The following SPEF2 variants were observed in gnomAD, a reference collection of about 807,000 sequenced individuals.
SPEF2 encodes sperm flagellar and cilia associated 2.
SPEF2 carries 187 observed loss-of-function variants against 224.6 expected under a neutral mutation model. That is an observed-to-expected ratio of 0.83 (90% CI 0.74 to 0.94). SPEF2 has a LOEUF of 0.94. Ranked by LOEUF, SPEF2 falls within the 40% of genes least tolerant of loss-of-function variation. The pLI is 0.00. For missense variants in SPEF2, 2,170 were observed against 2,135.6 expected (o/e 1.02, Z -0.32); for synonymous variants, 715 against 707.3 (o/e 1.01, Z -0.17).
At chr5:35,773,750 TG>T in intron 27 of SPEF2, 142 bp from the exon 28 acceptor site, 1 of 938,374 alleles carries the variant, frequency 1.1e-6, no homozygotes, top group Non-Finnish European at 1.5e-6. Flanking sequence ...TCACAGATGC[TG>T]GGAGGACCAA....
chr5:35,655,198 CT>C (rs1748798398), intron 7 of SPEF2, among the ~76,000 whole-genome samples: 1 of 152,084 alleles, frequency 6.6e-6, no homozygotes. Context: ...TTGCTTGGGA[CT>C]TTTAGGAATA....
At chr5:35,793,538 T>A (rs1756239027) in intron 32 of SPEF2, among the ~76,000 whole-genome samples, 197 bp downstream of exon 32, 1 of 152,140 alleles carries the variant, frequency 6.6e-6, no homozygotes, top group Non-Finnish European at 1.5e-5. Context: ...AGGGAAAAGA[T>A]CTGAAAAAGT....
intron 2 of SPEF2, among the ~76,000 whole-genome samples, chr5:35,633,869 A>G (rs998856509): frequency 6.6e-6 from 1 of 152,026 alleles, no homozygotes; most frequent in African/African-American, 2.4e-5. Flanking sequence ...AACTATTCAG[A>G]TTAATACTAC....
chr5:35,635,368 A>G (rs1310970293), intron 2 of SPEF2, among the ~76,000 whole-genome samples: 1 of 152,000 alleles, frequency 6.6e-6, no homozygotes, highest in Non-Finnish European at 1.5e-5. Flanking sequence ...CCATTTTCCC[A>G]TTTACCCTGA....
intron 19 of SPEF2, 41 bp downstream of exon 19, chr5:35,709,162 T>C (rs1362953602): frequency 4.4e-6 from 7 of 1,595,724 alleles, no homozygotes; most frequent in Non-Finnish European, 1.7e-6. Context: ...TTCAGTTTCT[T>C]ATTTTTACTC....
Position 35,691,195 on chromosome 5 carries a change from A to G in SPEF2, c.1683A>G (p.Lys561=). The change falls in exon 11 of 37, where the codon AAA becomes AAG. Residue 561 remains lysine, a synonymous_variant. Coordinates refer to ENST00000356031, the MANE Select transcript of SPEF2 (RefSeq NM_024867.4). The stretch of plus-strand genomic sequence containing the variant: ...CTGAATTACCTTCATTTGCTGTTAA[A>G]GGATGCTTATTGGGGAAAACATTAA... ...TTPELPSFAV[K]GCLLGKTLSG... is the part of the protein sequence containing the mutation. 1.2e-6 allele frequency: 2 copies of G among 1,614,100 alleles called. No individual in the cohort carries two copies. The highest frequency in any genetic ancestry group is 1.7e-6 in the Non-Finnish European group (2 of 1,179,972).
chr5:35,797,049 TTGGAAGCAAC>T (rs1756766624), intron 33 of SPEF2, among the ~76,000 whole-genome samples: 1 of 152,208 alleles, frequency 6.6e-6, no homozygotes, highest in Admixed American at 6.5e-5. Context: ...TCTTCATTAG[TTGGAAGCAAC>T]TGGCAGTTTG....
intron 26 of SPEF2, among the ~76,000 whole-genome samples, chr5:35,765,423 T>C (rs1309810561): frequency 6.6e-6 from 1 of 152,172 alleles, no homozygotes; most frequent in Non-Finnish European, 1.5e-5. Context: ...CTGGTACCCA[T>C]GTGCATAGAT....
At chr5:35,790,184 T>C (rs6860528) in intron 30 of SPEF2, 19,265 of 698,886 alleles carry the variant, frequency 0.028, 1,197 homozygotes, top group African/African-American at 0.14. Flanking sequence ...CCAAGTCACA[T>C]ATGCATGCAA....
At chr5:35,735,758 A>G (rs780039965) in intron 21 of SPEF2, among the ~76,000 whole-genome samples, 1 of 152,188 alleles carries the variant, frequency 6.6e-6, no homozygotes, top group East Asian at 1.9e-4. Context: ...TTGATTGTTT[A>G]TTTGCATTAT....
At chr5:35,793,727 AACACACACAC>A (rs374573342) in intron 32 of SPEF2, among the ~76,000 whole-genome samples, 62 of 100,886 alleles carry the variant, frequency 6.1e-4, no homozygotes, top group African/African-American at 1.8e-3. Flanking sequence ...CAGTGGTTAA[AACACACACAC>A]ACACACACAC....
intron 1 of SPEF2, among the ~76,000 whole-genome samples, chr5:35,625,539 T>C (rs1237653708): frequency 6.6e-6 from 1 of 152,106 alleles, no homozygotes; most frequent in Non-Finnish European, 1.5e-5. Flanking sequence ...GAAGGTAACA[T>C]AGCAACAGCT....
Position 35,654,788 on chromosome 5 carries a change from A to G in SPEF2, c.978+62A>G, listed in dbSNP as rs879163075. On this transcript the variant is annotated intron_variant, in intron 7 of 36. Coordinates refer to ENST00000356031, the MANE Select transcript of SPEF2 (RefSeq NM_024867.4). ...GGAATTCTACAAAATGTAGTCTTCT[A>G]TACACATAATATGTAGTTTATATAT... 60 of 1,412,124 alleles carry G rather than the reference A, an allele frequency of 4.2e-5. No homozygotes were observed. The Middle Eastern group carries it at 1.1e-3, about 26-fold the overall frequency. The allele number at this position is 1,412,124 out of a possible 1,614,324, so 87.5% of individuals were successfully genotyped here. A position where few individuals can be genotyped will look rare whatever the true frequency, so the allele number is the denominator to read the frequency against.
Position 35,667,055 on chromosome 5 carries a change from T to C in SPEF2, c.1168-17T>C, listed in dbSNP as rs768063266. 18 of 1,581,490 alleles carry C rather than the reference T, an allele frequency of 1.1e-5. No homozygotes were observed. Among genetic ancestry groups the C allele is most frequent in the Non-Finnish European group, 1.5e-5 (17 of 1,169,860 alleles). On this transcript the variant is annotated splice_polypyrimidine_tract_variant and intron_variant, in intron 8 of 36. Transcript: ENST00000356031. The stretch of plus-strand genomic sequence containing the variant: ...ATTCAATTATAGTGACTTAAAAATA[T>C]GTTTTTGCCTTTTTAGGCTTTGGCA...
intron 2 of SPEF2, among the ~76,000 whole-genome samples, chr5:35,636,973 C>A (rs1369183406): frequency 1.5e-5 from 2 of 137,166 alleles, no homozygotes; most frequent in Admixed American, 7.5e-5. Flanking sequence ...GAGACTCTGT[C>A]TCAAAAAAAA....
chr5:35,739,595 G>A (rs1747237461), intron 21 of SPEF2, among the ~76,000 whole-genome samples: 1 of 152,082 alleles, frequency 6.6e-6, no homozygotes, highest in Admixed American at 6.5e-5. Context: ...TGGCTAGGCT[G>A]GTCTAGAACT....
rs1211685250 is a variant in SPEF2, at chr5:35,771,750, C to A, written c.3943C>A (p.Pro1315Thr). Residue 1315 changes from proline (P) to threonine (T), a missense_variant, in exon 27 of 37, where the codon CCC becomes ACC. Physicochemically the swap from Pro to Thr is conservative, Grantham distance 38 (BLOSUM62 -1). Coordinates refer to ENST00000356031, the MANE Select transcript of SPEF2 (RefSeq NM_024867.4). ...CAAGAAAAAACAGGAAGACAAAAAA[C>A]CCAAAGGTATTTATGGTTTTAGCAC... ...PPKKKQEDKK[P>T]KGKSPPMAEA... 6.3e-7 allele frequency: 1 copy of A among 1,588,152 alleles called. No individual in the cohort carries two copies.
At chr5:35,800,252 A>G in intron 34 of SPEF2, 105 bp downstream of exon 34, 1 of 1,287,166 alleles carries the variant, frequency 7.8e-7, no homozygotes, top group South Asian at 1.5e-5. Flanking sequence ...GTATTTTCCT[A>G]GGTGTGTAAT....
intron 1 of SPEF2, among the ~76,000 whole-genome samples, chr5:35,620,841 A>G (rs534959645): frequency 4.6e-4 from 70 of 152,328 alleles, no homozygotes; most frequent in African/African-American, 1.6e-3. Context: ...ACTTATGAAT[A>G]TGGACATTTA....
Sources: gnomAD v4.1 joint callset for allele counts (sites outside exome capture counted in the v4.1 genomes callset) on GRCh38, gnomAD v4.1.1 for gene constraint, MANE v1.5 for transcripts, NCBI Gene and HGNC (gene_info 2026-07-23, HGNC 2026-07-21) for gene names.